Variants in KAZN observed in about 807,000 individuals in gnomAD.
KAZN encodes kazrin, periplakin interacting protein, also known as kazrin.
In KAZN, 40 loss-of-function variants were observed where a neutral mutation model predicts 87.4. The ratio of observed to expected loss-of-function variants is 0.46; its 90% CI spans 0.36 to 0.60. The LOEUF (loss-of-function observed/expected upper bound fraction) is 0.60. KAZN is among the 20% of genes least tolerant of loss of function. The pLI is 0.00. For synonymous variants in KAZN, 466 were observed against 458.3 expected, an observed-to-expected ratio of 1.02 and a Z score of -0.22; for missense variants, 898 against 1,073.9, an observed-to-expected ratio of 0.84 and a Z score of 2.29.
intron 1 of KAZN, among the ~76,000 whole-genome samples, chr1:14,891,964 A>C (rs1462755000): frequency 2.0e-5 from 3 of 152,130 alleles, no homozygotes; most frequent in East Asian, 1.9e-4. Flanking sequence ...GGAGTCTTAC[A>C]TCTGGCCCTG....
At position 14,517,167 on chromosome 1, in the gene KAZN, C is replaced by T. The variant is rs1671342479; in HGVS notation, c.250-81816C>T. ...GATTGGCTCAGAGATGACCGTGTGA[C>T]CCATGCCAGGCTATGAGACTCAAGT... On this transcript the variant is annotated intron_variant, in intron 2 of 16. Coordinates refer to the KAZN transcript ENST00000636203. Among the ~76,000 whole-genome samples, 2 of 152,028 alleles carry T rather than the reference C, an allele frequency of 1.3e-5. 1 individual carries two copies. The highest frequency in any genetic ancestry group is 4.2e-4 in the South Asian group (2 of 4,808).
At chr1:14,843,601 G>T (rs1648295507) in intron 1 of KAZN, among the ~76,000 whole-genome samples, 1 of 152,220 alleles carries the variant, frequency 6.6e-6, no homozygotes, top group Non-Finnish European at 1.5e-5. Context: ...ACTTGCATGG[G>T]CAAAGACCCA....
At chr1:13,941,304 C>G (rs1312475823) in intron 1 of KAZN, among the ~76,000 whole-genome samples, 3 of 152,228 alleles carry the variant, frequency 2.0e-5, no homozygotes, top group African/African-American at 4.8e-5. Context: ...TGCTCACACA[C>G]TCTTTCAAAC....
intron 1 of KAZN, among the ~76,000 whole-genome samples, chr1:14,751,563 G>A (rs1644412967): frequency 6.6e-6 from 1 of 152,072 alleles, no homozygotes; most frequent in Admixed American, 6.6e-5. Context: ...TAAGACCTTG[G>A]GTAGGACCTT....
rs1020969534 is a variant in KAZN, at chr1:15,081,559, A to AGC, written c.1223-12619_1223-12618dup. On this transcript the variant is annotated intron_variant, in intron 8 of 14. Transcript: ENST00000376030. This position sits in a 1 kb window ranked among gnomAD's most constrained non-coding sequence, Gnocchi z 4.1. ...AGGAAAGGTTCCAGGAATTAATGACAGCGTGTGTGTGTGTGTGTGTGAGTG... is the reference window on the plus strand; with the variant it reads ...AGGAAAGGTTCCAGGAATTAATGACAGCGCGTGTGTGTGTGTGTGTGTGAGTG... 3.4e-5 allele frequency among the ~76,000 whole-genome samples: 5 copies of AGC among 146,608 alleles called. No individual in the cohort carries two copies. In the East Asian group the frequency reaches 1.3e-3, roughly 40 times the overall value.
intron 1 of KAZN, among the ~76,000 whole-genome samples, chr1:13,971,815 T>C (rs1420547036): frequency 5.9e-5 from 9 of 152,150 alleles, no homozygotes; most frequent in African/African-American, 9.7e-5. Context: ...TAGTGAATTG[T>C]TGTAAGATCT....
intron 1 of KAZN, among the ~76,000 whole-genome samples, chr1:14,040,689 C>CGGGAGGCGGAGGTTGCG (rs1000990779): frequency 2.0e-5 from 3 of 151,466 alleles, no homozygotes; most frequent in African/African-American, 7.3e-5. Context: ...CACTTGAACT[C>CGGGAGGCGGAGGTTGCG]GGGAGGCGGA....
intron 2 of KAZN, among the ~76,000 whole-genome samples, chr1:14,216,363 T>C (rs1302009623): frequency 2.0e-5 from 3 of 152,166 alleles, no homozygotes; most frequent in Non-Finnish European, 4.4e-5. Flanking sequence ...TTCTTGAACA[T>C]TTGAAACTTC....
At position 14,332,955 on chromosome 1, in the gene KAZN, C is replaced by T. The variant is rs537521878; in HGVS notation, c.249+152363C>T. ...TTACATAGGTAAACGTGTGCCATGG[C>T]GGTTTGCTGCAGCTATCAACCCATC... On this transcript the variant is annotated intron_variant, in intron 2 of 16. Transcript: ENST00000636203. Among the ~76,000 whole-genome samples, 168 of 152,218 alleles carry T rather than the reference C, an allele frequency of 1.1e-3. 1 individual carries two copies. The highest frequency in any genetic ancestry group is 3.5e-3 in the African/African-American group (147 of 41,540).
At chr1:14,473,366 C>T (rs562145089) in intron 2 of KAZN, among the ~76,000 whole-genome samples, 23 of 152,228 alleles carry the variant, frequency 1.5e-4, no homozygotes, top group Middle Eastern at 3.4e-3. Context: ...TGGTGGCTCA[C>T]GCCTGTAATC....
chr1:15,101,561 G>A lies in KAZN; in HGVS notation c.1566G>A (p.Glu522=). 6.4e-7 allele frequency: 1 copy of A among 1,552,314 alleles called. No homozygotes were observed. The highest frequency in any genetic ancestry group is 8.7e-7 in the Non-Finnish European group (1 of 1,147,332). The change falls in exon 11 of 15, where the codon GAG becomes GAA. Residue 522 remains glutamate (E), a synonymous_variant. Transcript: ENST00000376030. ...EAGRSLSKAA[E]LDHHWVAKAW... is the part of the protein sequence containing the mutation. ...TCCCCAGCCTGTCCAAAGCTGCCGA[G>A]CTGGACCATCACTGGGTGGCCAAGG... is the stretch of plus-strand genomic sequence containing the variant.
chr1:15,111,283 G>GTT (rs1641610569), intron 13 of KAZN, among the ~76,000 whole-genome samples: 2 of 152,016 alleles, frequency 1.3e-5, no homozygotes, highest in African/African-American at 4.8e-5. Context: ...TGTTGTTGTT[G>GTT]TTGTTGTTGT....
intron 1 of KAZN, among the ~76,000 whole-genome samples, chr1:14,702,900 A>G (rs1427082639): frequency 6.6e-6 from 1 of 152,150 alleles, no homozygotes; most frequent in Non-Finnish European, 1.5e-5. Flanking sequence ...GTCCTAACCC[A>G]CTATCCCCCT....
intron 2 of KAZN, among the ~76,000 whole-genome samples, chr1:14,413,593 GAAAAAAAAA>G (rs1169921344): frequency 1.1e-4 from 7 of 66,080 alleles, no homozygotes; most frequent in Admixed American, 2.0e-4. Context: ...CGTCTCAAAA[GAAAAAAAAA>G]AAAAAAAAAA....
At position 14,514,383 on chromosome 1, in the gene KAZN, TATATTATATATATTTATATATATA is replaced by T. The variant is rs1330535986; in HGVS notation, c.250-84595_250-84572del. Among the ~76,000 whole-genome samples, 2 of 22,290 alleles carry T rather than the reference TATATTATATATATTTATATATATA, an allele frequency of 9.0e-5. 1 individual carries two copies. Among genetic ancestry groups the T allele is most frequent in the African/African-American group, 3.6e-4 (2 of 5,484 alleles). The allele number at this position is 22,290 out of a possible 152,430, so 14.6% of individuals were successfully genotyped here. A position where few individuals can be genotyped will look rare whatever the true frequency, so the allele number is the denominator to read the frequency against. The stretch of plus-strand genomic sequence containing the variant: ...TATATATTTATATATATAATATATA[TATATTATATATATTTATATATATA>T]ATATATAAATATATATATAATATAT... On this transcript the variant is annotated intron_variant, in intron 2 of 16. Transcript: ENST00000636203.
chr1:14,333,756 G>A (rs1657016761), intron 2 of KAZN, among the ~76,000 whole-genome samples: 1 of 152,162 alleles, frequency 6.6e-6, no homozygotes, highest in South Asian at 2.1e-4. Context: ...AAGGTGGGTG[G>A]AGAGGGCTTC....
chr1:14,854,355 T>G (rs12567998), intron 1 of KAZN, among the ~76,000 whole-genome samples: 7,913 of 152,280 alleles, frequency 0.052, 304 homozygotes, highest in Admixed American at 0.09. Flanking sequence ...CACCTCTTGT[T>G]TTAGTTCATT....
intron 1 of KAZN, among the ~76,000 whole-genome samples, chr1:14,807,385 C>T (rs942640769): frequency 2.6e-5 from 4 of 152,268 alleles, no homozygotes; most frequent in Admixed American, 6.5e-5. Flanking sequence ...TAATAAATAC[C>T]TTCTTGCTTG....
intron 2 of KAZN, among the ~76,000 whole-genome samples, chr1:14,989,158 C>G (rs1667110909): frequency 6.6e-6 from 1 of 152,206 alleles, no homozygotes; most frequent in Non-Finnish European, 1.5e-5. Context: ...TCGGGGTCAC[C>G]CTGGGAACAG....
Sources: allele counts gnomAD v4.1 joint callset (sites outside exome capture counted in the v4.1 genomes callset), GRCh38; gene constraint gnomAD v4.1.1; non-coding constraint Gnocchi (gnomAD v3.1); transcripts MANE v1.5; gene names NCBI Gene and HGNC (gene_info 2026-07-23, HGNC 2026-07-21).